The following FOCAD variants were observed in gnomAD, a reference collection of about 807,000 sequenced individuals.
The protein encoded by FOCAD is focadhesin, also known as KIAA1797.
FOCAD carries 198 observed loss-of-function variants against 225.6 expected under a neutral mutation model. The ratio of observed to expected loss-of-function variants is 0.88; its 90% confidence interval spans 0.78 to 0.99. FOCAD has a LOEUF of 0.99. Among genes scored for constraint, FOCAD ranks in the 50% least tolerant of loss-of-function variants. The pLI is 0.00. For missense variants in FOCAD, 2,713 were observed against 2,123.6 expected (o/e 1.28, Z -5.46); for synonymous variants, 897 against 755.0 (o/e 1.19, Z -3.08).
chr9:20,708,411 A>AT (rs997956475), intron 1 of FOCAD, among the ~76,000 whole-genome samples: 7 of 152,166 alleles, frequency 4.6e-5, no homozygotes, highest in Non-Finnish European at 7.4e-5. Flanking sequence ...TGAAGTACTT[A>AT]TTTTTTTATC....
intron 15 of FOCAD, among the ~76,000 whole-genome samples, chr9:20,837,308 C>T (rs898135018): frequency 5.9e-5 from 9 of 152,000 alleles, no homozygotes; most frequent in Non-Finnish European, 4.4e-5. Context: ...GAGTTTCCGG[C>T]TCTCAGTCAC....
intron 21 of FOCAD, among the ~76,000 whole-genome samples, chr9:20,894,618 T>C (rs767948534): frequency 2.6e-5 from 4 of 152,140 alleles, no homozygotes; most frequent in Non-Finnish European, 5.9e-5. Flanking sequence ...AAGCATTTTG[T>C]ATATGCTTAT....
At chr9:20,946,640 A>G (rs1016301280) in intron 29 of FOCAD, 61 bp from the exon 30 acceptor site, 1 of 1,556,408 alleles carries the variant, frequency 6.4e-7, no homozygotes, top group Non-Finnish European at 8.7e-7. Flanking sequence ...CTTGTCAACT[A>G]AACCGAGTTC....
At chr9:20,670,473 A>C (rs921703751) in intron 2 of FOCAD, among the ~76,000 whole-genome samples, 3 of 152,176 alleles carry the variant, frequency 2.0e-5, no homozygotes, top group African/African-American at 7.2e-5. Context: ...GGTGAAGGGG[A>C]AGCAAGGCAC....
chr9:20,768,183 A>G (rs1173048868), intron 7 of FOCAD, among the ~76,000 whole-genome samples: 5 of 148,266 alleles, frequency 3.4e-5, no homozygotes, highest in African/African-American at 5.0e-5. Context: ...CCATTGATCT[A>G]TATCTCTGTT....
intron 4 of FOCAD, among the ~76,000 whole-genome samples, chr9:20,737,641 G>C (rs984636970): frequency 6.6e-6 from 1 of 152,220 alleles, no homozygotes; most frequent in African/African-American, 2.4e-5. Flanking sequence ...CTCCAGGACA[G>C]ACCAAAGTAG....
chr9:20,946,079 T>C (rs1393531557), intron 29 of FOCAD, among the ~76,000 whole-genome samples: 1 of 96,274 alleles, frequency 1.0e-5, no homozygotes, highest in Non-Finnish European at 2.1e-5. Flanking sequence ...CATATTTTAT[T>C]TATTCATTCA....
At position 20,742,125 on chromosome 9, in the gene FOCAD, C is replaced by G. The variant is rs189360072; in HGVS notation, c.392+1785C>G. Among the ~76,000 whole-genome samples, 118 of 152,262 alleles carry G rather than the reference C, an allele frequency of 7.7e-4. 1 individual carries two copies. The highest frequency in any genetic ancestry group is 6.8e-3 in the Middle Eastern group (2 of 294). On this transcript the variant is annotated intron_variant, in intron 5 of 43. Transcript: ENST00000338382. ...ATTAGCCGTCACTCCATATTTTCTC[C>G]CCTCTCAGGGAAGTATTTTTAGTTC...
intron 23 of FOCAD, 52 bp downstream of exon 23, chr9:20,913,006 A>T: frequency 6.9e-7 from 1 of 1,453,510 alleles, no homozygotes; most frequent in Non-Finnish European, 9.6e-7. Flanking sequence ...GTGAGCTATG[A>T]GGGGAAAGGT....
chr9:20,767,470 G>C (rs1340266350), intron 7 of FOCAD, among the ~76,000 whole-genome samples: 1 of 149,768 alleles, frequency 6.7e-6, no homozygotes, highest in African/African-American at 2.5e-5. Flanking sequence ...ATTTCTCCAC[G>C]TCCTCTCCAG....
intron 5 of FOCAD, among the ~76,000 whole-genome samples, chr9:20,755,964 T>C (rs746195746): frequency 2.0e-5 from 3 of 152,024 alleles, no homozygotes; most frequent in Admixed American, 1.3e-4. Flanking sequence ...CTGGCCTGTT[T>C]TGTGGTTTTA....
intron 15 of FOCAD, among the ~76,000 whole-genome samples, chr9:20,823,612 A>G (rs921341668): frequency 3.9e-5 from 6 of 152,112 alleles, no homozygotes; most frequent in Non-Finnish European, 7.4e-5. Context: ...GACTGTTCCC[A>G]GAATTATAAC....
intron 11 of FOCAD, among the ~76,000 whole-genome samples, chr9:20,793,774 G>C (rs1820783969): frequency 6.6e-6 from 1 of 152,170 alleles, no homozygotes; most frequent in East Asian, 1.9e-4. Context: ...TTGTTGAAGG[G>C]CTGTGAGAGG....
chr9:20,961,851 G>A (rs996372296), intron 35 of FOCAD, among the ~76,000 whole-genome samples: 11 of 152,116 alleles, frequency 7.2e-5, no homozygotes, highest in South Asian at 2.1e-4. Context: ...ATTTTAAGAG[G>A]CCTTGGGATA....
In FOCAD at chr9:20,789,542, C is replaced by T; in HGVS notation, c.1389C>T (p.Asp463=). 1 of 1,613,906 alleles carries T rather than the reference C, an allele frequency of 6.2e-7. No homozygotes were observed. The highest frequency in any genetic ancestry group is 1.1e-5 in the South Asian group (1 of 91,078). ...TGCTGGCTCACCTCCTTGTTGAAGA[C>T]AAAGGACAAAATCTTCACCAAATAC... ...FLLLAHLLVE[D]KGQNLHQILK... is the part of the protein sequence containing the mutation. Residue 463 remains aspartate (D), a synonymous_variant, in exon 11 of 44, where the codon GAC becomes GAT. Coordinates refer to ENST00000338382, the MANE Select transcript of FOCAD (RefSeq NM_001375567.1).
chr9:20,895,139 G>A lies in FOCAD; in HGVS notation c.2625+9909G>A, dbSNP rs537499464. Reference sequence around the variant, plus strand: ...ATATTAACGGACTACATTTATATACGTCTGTTTCTGGACTTTCTATTCTGT... The same window carrying A: ...ATATTAACGGACTACATTTATATACATCTGTTTCTGGACTTTCTATTCTGT... On this transcript the variant is annotated intron_variant, in intron 21 of 43. Transcript: ENST00000338382. Among the ~76,000 whole-genome samples, 13 of 151,954 alleles carry A rather than the reference G, an allele frequency of 8.6e-5. No individual in the cohort carries two copies. In the South Asian group the frequency reaches 1.9e-3, roughly 22 times the overall value.
At chr9:20,797,317 T>G (rs1049998512) in intron 11 of FOCAD, among the ~76,000 whole-genome samples, 1 of 152,198 alleles carries the variant, frequency 6.6e-6, no homozygotes, top group Non-Finnish European at 1.5e-5. Flanking sequence ...TTTGGTTCCG[T>G]ATGAACTTTA....
At chr9:20,810,527 A>G (rs983853378) in intron 11 of FOCAD, among the ~76,000 whole-genome samples, 3 of 152,144 alleles carry the variant, frequency 2.0e-5, no homozygotes, top group African/African-American at 7.2e-5. Context: ...TTTGTCCAAG[A>G]AGGAAATTCT....
At chr9:20,771,821 G>C (rs906054914) in intron 8 of FOCAD, among the ~76,000 whole-genome samples, 1 of 152,172 alleles carries the variant, frequency 6.6e-6, no homozygotes, top group Non-Finnish European at 1.5e-5. Context: ...CCAAGCACAG[G>C]GTGCTGGCTG....
Sources: allele counts gnomAD v4.1 joint callset (sites outside exome capture counted in the v4.1 genomes callset), GRCh38; gene constraint gnomAD v4.1.1; transcripts MANE v1.5; gene names NCBI Gene and HGNC (gene_info 2026-07-23, HGNC 2026-07-21).